NALCN: variants seen among roughly 807,000 people sequenced by gnomAD.
NALCN encodes sodium leak channel, non-selective, also known as sodium leak channel NALCN.
Under a neutral mutation model 225.3 loss-of-function variants are expected in NALCN, and 111 were observed. That is an observed-to-expected ratio of 0.49 (90% confidence interval 0.42 to 0.58). The LOEUF (loss-of-function observed/expected upper bound fraction) is 0.58. Among genes scored for constraint, NALCN ranks in the 20% least tolerant of loss-of-function variants. The pLI is 0.00. For synonymous variants in NALCN, 764 were observed against 769.0 expected, an observed-to-expected ratio of 0.99 and a Z score of 0.11; for missense variants, 1,378 against 2,202.4, an observed-to-expected ratio of 0.63 and a Z score of 7.49.
intron 27 of NALCN, among the ~76,000 whole-genome samples, chr13:101,100,557 A>C (rs1465727797): frequency 6.6e-6 from 1 of 152,204 alleles, no homozygotes; most frequent in Non-Finnish European, 1.5e-5. Flanking sequence ...ATGCTTGCCA[A>C]GGGAGTGTAA....
chr13:101,272,792 A>G (rs1210058336), intron 10 of NALCN, among the ~76,000 whole-genome samples: 3 of 152,152 alleles, frequency 2.0e-5, no homozygotes, highest in Non-Finnish European at 4.4e-5. Context: ...GGCTCCATCA[A>G]TTCTTGAAAT....
intron 6 of NALCN, among the ~76,000 whole-genome samples, chr13:101,351,370 A>G (rs553331874): frequency 1.3e-5 from 2 of 152,256 alleles, no homozygotes; most frequent in East Asian, 1.9e-4. Flanking sequence ...TCCTCCTAGC[A>G]TATGTTTGCT....
intron 15 of NALCN, among the ~76,000 whole-genome samples, chr13:101,153,442 C>G (rs559427247): frequency 6.6e-6 from 1 of 152,160 alleles, no homozygotes; most frequent in African/African-American, 2.4e-5. Context: ...AATTTCTTCT[C>G]GTTTGCTATG....
chr13:101,083,322 A>G (rs2033759795), intron 31 of NALCN, 124 bp from the exon 32 acceptor site: 1 of 789,364 alleles, frequency 1.3e-6, no homozygotes, highest in Non-Finnish European at 2.0e-6. Context: ...AGTTCCGTCT[A>G]TTGTGAGGTG....
rs1458379634 is a variant in NALCN at position 101,083,715 on chromosome 13, G to A, written c.3579C>T (p.Arg1193=). Residue 1193 remains arginine, a synonymous_variant, in exon 31 of 44, where the codon CGC becomes CGT. Transcript: ENST00000251127. ...AAATCAGAGCATTTTGGGTACCCGG[G>A]CGAGGCGGAAGATGAAGAGGCTGTG... The part of the protein sequence containing the change: ...KIAQPLHLPP[R]PDNDGFRAKM... 5.0e-6 allele frequency: 8 copies of A among 1,613,214 alleles called. No homozygotes were observed. Among genetic ancestry groups the A allele is most frequent in the Non-Finnish European group, 6.8e-6 (8 of 1,179,436 alleles).
rs2034079831 is a variant in NALCN at position 101,089,056 on chromosome 13, C to A, written c.3489+607G>T. Reference sequence around the variant, plus strand: ...GGGATTACAGGCATGCGCCACCACGCCCGGCTAATTTTTGTATTTTTAGTA... The same window carrying A: ...GGGATTACAGGCATGCGCCACCACGACCGGCTAATTTTTGTATTTTTAGTA... On this transcript the variant is annotated intron_variant, in intron 30 of 43. Coordinates refer to ENST00000251127, the MANE Select transcript of NALCN (RefSeq NM_052867.4). This position sits in a 1 kb window ranked among gnomAD's most constrained non-coding sequence, Gnocchi z 4.7. Among the ~76,000 whole-genome samples, 1 of 152,024 alleles carries A rather than the reference C, an allele frequency of 6.6e-6. No homozygotes were observed. The highest frequency in any genetic ancestry group is 2.1e-4 in the South Asian group (1 of 4,822).
intron 3 of NALCN, among the ~76,000 whole-genome samples, chr13:101,382,775 A>G (rs1362075143): frequency 6.6e-6 from 1 of 152,198 alleles, no homozygotes; most frequent in Non-Finnish European, 1.5e-5. Context: ...TCTTTTCCAT[A>G]GGAAGTAATT....
chr13:101,368,770 C>T, intron 6 of NALCN: 1 of 154,430 alleles, frequency 6.5e-6, no homozygotes, highest in Non-Finnish European at 1.4e-5. Flanking sequence ...CTTTGGGAGG[C>T]TGAGGCAGGC....
intron 13 of NALCN, among the ~76,000 whole-genome samples, chr13:101,193,734 C>T (rs1014462108): frequency 3.9e-5 from 6 of 152,112 alleles, no homozygotes; most frequent in Non-Finnish European, 7.4e-5. Context: ...CATCACTTAT[C>T]CTTATAAGTA....
At chr13:101,281,757 A>C (rs1450334047) in intron 10 of NALCN, among the ~76,000 whole-genome samples, 1 of 152,216 alleles carries the variant, frequency 6.6e-6, no homozygotes, top group Non-Finnish European at 1.5e-5. Context: ...AAAAGATGCA[A>C]AGAACTCATA....
chr13:101,414,556 T>TAAAAA (rs59986447), intron 1 of NALCN, among the ~76,000 whole-genome samples: 11 of 151,566 alleles, frequency 7.3e-5, no homozygotes, highest in African/African-American at 1.7e-4. Flanking sequence ...GCCGGAATGA[T>TAAAAA]AAAATCACCT....
chr13:101,405,184 G>T (rs910181753), intron 1 of NALCN, among the ~76,000 whole-genome samples: 16 of 152,266 alleles, frequency 1.1e-4, no homozygotes, highest in Admixed American at 3.3e-4. Context: ...ATACACCACA[G>T]TGAAAACTTG....
intron 10 of NALCN, among the ~76,000 whole-genome samples, chr13:101,273,810 A>G (rs1307661849): frequency 2.7e-5 from 4 of 149,546 alleles, no homozygotes; most frequent in South Asian, 2.1e-4. Flanking sequence ...GCGTGAACCC[A>G]GGAGGCGGAG....
intron 15 of NALCN, among the ~76,000 whole-genome samples, chr13:101,172,862 T>C (rs967504808): frequency 7.2e-5 from 11 of 152,246 alleles, no homozygotes; most frequent in East Asian, 1.9e-4. Context: ...CCACCGCGCC[T>C]GGCCAACACC....
intron 3 of NALCN, among the ~76,000 whole-genome samples, chr13:101,380,624 C>G (rs902693908): frequency 6.6e-6 from 1 of 152,032 alleles, no homozygotes; most frequent in African/African-American, 2.4e-5. Flanking sequence ...GATTTCAAAT[C>G]AAATGATAAA....
At chr13:101,257,967 T>G (rs572040690) in intron 11 of NALCN, among the ~76,000 whole-genome samples, 1 of 152,162 alleles carries the variant, frequency 6.6e-6, no homozygotes. Context: ...TACCTTTAAT[T>G]GGTGTCTTTA....
intron 10 of NALCN, among the ~76,000 whole-genome samples, chr13:101,269,393 G>A (rs562468016): frequency 1.3e-5 from 2 of 151,972 alleles, no homozygotes; most frequent in Non-Finnish European, 2.9e-5. Flanking sequence ...AAGTAGCCTC[G>A]GGGGTGAAAC....
chr13:101,326,381 G>T (rs953876738), intron 7 of NALCN, among the ~76,000 whole-genome samples: 2 of 152,196 alleles, frequency 1.3e-5, no homozygotes, highest in Non-Finnish European at 2.9e-5. Flanking sequence ...GCTCAGAGAT[G>T]TGACTGCACA....
chr13:101,121,288 C>G (rs1032477520), intron 18 of NALCN, among the ~76,000 whole-genome samples: 1 of 152,068 alleles, frequency 6.6e-6, no homozygotes, highest in Non-Finnish European at 1.5e-5. Context: ...GTTTACACAG[C>G]CAGGCCTCCA....
Sources: gnomAD v4.1 joint callset for allele counts (sites outside exome capture counted in the v4.1 genomes callset) on GRCh38, gnomAD v4.1.1 for gene constraint, Gnocchi (gnomAD v3.1) non-coding constraint, MANE v1.5 for transcripts, NCBI Gene and HGNC (gene_info 2026-07-23, HGNC 2026-07-21) for gene names.